RNF150: variants seen among roughly 807,000 people sequenced by gnomAD.
The protein encoded by RNF150 is ring finger protein 150.
Under a neutral mutation model 39.3 loss-of-function variants are expected in RNF150, and 24 were observed. That is an observed-to-expected ratio of 0.61 (90% CI 0.44 to 0.86). RNF150 has a LOEUF of 0.86. RNF150 is among the 40% of genes least tolerant of loss of function. The pLI, the probability that RNF150 is intolerant of heterozygous loss-of-function variation, is 0.00. For synonymous variants in RNF150, 255 were observed against 227.3 expected, an observed-to-expected ratio of 1.12 and a Z score of -1.10; for missense variants, 502 against 587.8, an observed-to-expected ratio of 0.85 and a Z score of 1.51.
intron 1 of RNF150, among the ~76,000 whole-genome samples, chr4:141,058,812 C>T (rs1737096716): frequency 2.0e-5 from 3 of 152,014 alleles, no homozygotes; most frequent in Admixed American, 6.6e-5. Context: ...CATAGTTGCC[C>T]CCACCACTCC....
intron 1 of RNF150, among the ~76,000 whole-genome samples, chr4:141,090,796 A>G (rs556677305): frequency 2.0e-5 from 3 of 152,246 alleles, no homozygotes; most frequent in South Asian, 2.1e-4. Flanking sequence ...ACGATGGCCA[A>G]TGGTTTTTTG....
At chr4:141,025,945 T>G (rs1007731322) in intron 1 of RNF150, among the ~76,000 whole-genome samples, 3 of 152,074 alleles carry the variant, frequency 2.0e-5, no homozygotes, top group Non-Finnish European at 4.4e-5. Context: ...GTCACAAGAG[T>G]GGAGCCGTCA....
intron 1 of RNF150, among the ~76,000 whole-genome samples, chr4:141,055,355 C>A (rs1231994768): frequency 6.6e-6 from 1 of 152,072 alleles, no homozygotes; most frequent in Non-Finnish European, 1.5e-5. Context: ...TATAAGTCAT[C>A]TATATAGAAG....
At chr4:140,962,484 A>G (rs1733079890) in intron 2 of RNF150, among the ~76,000 whole-genome samples, 1 of 149,332 alleles carries the variant, frequency 6.7e-6, no homozygotes, top group African/African-American at 2.6e-5. Context: ...TATATCTCAC[A>G]CACACACACA....
At chr4:141,019,033 A>AATATAT (rs10527652) in intron 1 of RNF150, among the ~76,000 whole-genome samples, 16 of 126,404 alleles carry the variant, frequency 1.3e-4, no homozygotes, top group African/African-American at 1.9e-4. Context: ...ACTGCAAAGA[A>AATATAT]ATATATATAT....
At chr4:141,055,269 G>A (rs1037866197) in intron 1 of RNF150, among the ~76,000 whole-genome samples, 1 of 152,108 alleles carries the variant, frequency 6.6e-6, no homozygotes, top group East Asian at 1.9e-4. Flanking sequence ...CCAGAGTATG[G>A]CTGGAAAAAT....
intron 1 of RNF150, among the ~76,000 whole-genome samples, chr4:141,172,887 A>G (rs1401223246): frequency 6.6e-6 from 1 of 152,058 alleles, no homozygotes; most frequent in Non-Finnish European, 1.5e-5. Flanking sequence ...TTAGCCGGGC[A>G]TGGTGGTGGG....
intron 1 of RNF150, among the ~76,000 whole-genome samples, chr4:141,155,181 G>A (rs1029886512): frequency 3.3e-5 from 5 of 151,946 alleles, no homozygotes; most frequent in African/African-American, 1.2e-4. Flanking sequence ...TGCCTTCTGG[G>A]TTCAAACAAT....
intron 1 of RNF150, among the ~76,000 whole-genome samples, chr4:141,204,827 G>T (rs1728346877): frequency 6.6e-6 from 1 of 152,132 alleles, no homozygotes; most frequent in South Asian, 2.1e-4. Context: ...AGTATTTTGA[G>T]GGTCAGATAT....
At chr4:141,064,585 GC>G (rs1219088336) in intron 1 of RNF150, among the ~76,000 whole-genome samples, 1 of 149,776 alleles carries the variant, frequency 6.7e-6, no homozygotes, top group Non-Finnish European at 1.5e-5. Context: ...CTGCACTCCA[GC>G]CTGGACAGCA....
At chr4:140,942,723 G>C (rs1732137537) in intron 4 of RNF150, among the ~76,000 whole-genome samples, 1 of 152,114 alleles carries the variant, frequency 6.6e-6, no homozygotes, top group African/African-American at 2.4e-5. Flanking sequence ...ATTTCCCTTG[G>C]CCATCCTGGT....
intron 4 of RNF150, among the ~76,000 whole-genome samples, chr4:140,930,751 T>C (rs1424355735): frequency 6.6e-6 from 1 of 152,174 alleles, no homozygotes; most frequent in Non-Finnish European, 1.5e-5. Context: ...TTCATCCCAC[T>C]CATTGTTGCC....
At chr4:140,997,299 TA>T (rs1430671266) in intron 1 of RNF150, among the ~76,000 whole-genome samples, 1 of 152,208 alleles carries the variant, frequency 6.6e-6, no homozygotes, top group East Asian at 1.9e-4. Flanking sequence ...TACTATCAAA[TA>T]TTTTACAGAT....
At chr4:141,165,988 C>CA (rs1440820724) in intron 1 of RNF150, among the ~76,000 whole-genome samples, 1 of 151,676 alleles carries the variant, frequency 6.6e-6, no homozygotes, top group Non-Finnish European at 1.5e-5. Context: ...AAAAACCCTT[C>CA]AAAAAAATCA....
intron 1 of RNF150, among the ~76,000 whole-genome samples, chr4:141,034,959 T>A (rs918689111): frequency 6.6e-6 from 1 of 152,194 alleles, no homozygotes; most frequent in African/African-American, 2.4e-5. Flanking sequence ...GCAAATGTTG[T>A]TGGAAAAATG....
chr4:141,072,964 G>T (rs1737761086), intron 1 of RNF150, among the ~76,000 whole-genome samples: 1 of 152,032 alleles, frequency 6.6e-6, no homozygotes, highest in Admixed American at 6.5e-5. Flanking sequence ...GCTATAGTTT[G>T]TCAATGTCAT....
intron 1 of RNF150, among the ~76,000 whole-genome samples, chr4:141,143,962 A>G (rs1189520649): frequency 6.6e-6 from 1 of 152,148 alleles, no homozygotes; most frequent in Non-Finnish European, 1.5e-5. Context: ...AGAGCTTTTA[A>G]TAACAGCATG....
chr4:140,994,109 C>A (rs948471512), intron 1 of RNF150, among the ~76,000 whole-genome samples: 1 of 152,182 alleles, frequency 6.6e-6, no homozygotes, highest in Non-Finnish European at 1.5e-5. Flanking sequence ...CAGAAACATG[C>A]ATGCTTCCAG....
At chr4:141,078,789 CAAA>C (rs150748282) in intron 1 of RNF150, among the ~76,000 whole-genome samples, 490 of 63,778 alleles carry the variant, frequency 7.7e-3, no homozygotes, top group Non-Finnish European at 0.01. Flanking sequence ...AACTCCGTCT[CAAA>C]AAAAAAAAAA....
Sources: gnomAD v4.1 joint callset for allele counts (sites outside exome capture counted in the v4.1 genomes callset) on GRCh38, gnomAD v4.1.1 for gene constraint, MANE v1.5 for transcripts, NCBI Gene and HGNC (gene_info 2026-07-23, HGNC 2026-07-21) for gene names.